GPR160: variants seen among roughly 807,000 people sequenced by gnomAD.
GPR160 encodes the protein G protein-coupled receptor 160, also known as probable G protein-coupled receptor 160.
GPR160 carries 2 observed loss-of-function variants against 2.6 expected under a neutral mutation model. The ratio of observed to expected loss-of-function variants is 0.77; its 90% CI spans 0.32 to 2.44. The LOEUF is 2.44. Among genes scored for constraint, GPR160 ranks in the 30% most tolerant of loss-of-function variants. The pLI is 0.11. For synonymous variants in GPR160, 130 were observed against 132.2 expected (o/e 0.98, Z 0.12); for missense variants, 351 against 383.6 (o/e 0.91, Z 0.71).
At chr3:170,043,629 C>T (rs1245309671) in intron 2 of GPR160, among the ~76,000 whole-genome samples, 2 of 152,156 alleles carry the variant, frequency 1.3e-5, no homozygotes, top group Admixed American at 6.5e-5. Context: ...TGACAGTCTG[C>T]GTTATTTCTG....
At chr3:170,082,735 A>G (rs1237601522) in intron 3 of GPR160, among the ~76,000 whole-genome samples, 1 of 150,164 alleles carries the variant, frequency 6.7e-6, no homozygotes, top group East Asian at 1.9e-4. Context: ...GGCTGGAACC[A>G]CAGGTGTGCA....
At chr3:170,065,023 G>T (rs189615017) in intron 2 of GPR160, among the ~76,000 whole-genome samples, 1 of 152,308 alleles carries the variant, frequency 6.6e-6, no homozygotes, top group East Asian at 1.9e-4. Flanking sequence ...AGCCGAAGAG[G>T]ATCTGACGGG....
At chr3:170,048,837 G>A (rs1462181109) in intron 2 of GPR160, among the ~76,000 whole-genome samples, 2 of 152,200 alleles carry the variant, frequency 1.3e-5, no homozygotes, top group Non-Finnish European at 2.9e-5. Context: ...CTGTCGGCTG[G>A]CAGCATGGCA....
intron 3 of GPR160, among the ~76,000 whole-genome samples, chr3:170,082,937 T>A (rs1270556640): frequency 6.6e-6 from 1 of 151,694 alleles, no homozygotes; most frequent in Non-Finnish European, 1.5e-5. Flanking sequence ...TTCACATTTG[T>A]GATTGACTGG....
intron 2 of GPR160, among the ~76,000 whole-genome samples, chr3:170,064,514 C>CTT (rs1175382810): frequency 0.25 from 19,695 of 80,336 alleles, 2,419 homozygotes; most frequent in South Asian, 0.42. Context: ...CTTTTCTTTT[C>CTT]TTTTTTTTTT....
rs531425559 is a variant in GPR160 at position 170,076,779 on chromosome 3, G to C, written c.-192-2995G>C. Among the ~76,000 whole-genome samples the C allele has an allele frequency of 3.3e-5, 5 of 152,234 alleles. No individual in the cohort carries two copies. In the South Asian group the frequency reaches 1.0e-3, roughly 32 times the overall value. On this transcript the variant is annotated intron_variant, in intron 2 of 3. Transcript: ENST00000355897. ...GGCTGGTCTTGAACTCCTGGCCTCA[G>C]GCAATCCGCCTGCACCAGCCTCCCA...
rs989908131 is a variant in GPR160 at position 170,038,615 on chromosome 3, T to C, written c.-321-300T>C. On this transcript the variant is annotated intron_variant, in intron 1 of 3. Coordinates refer to ENST00000355897, the MANE Select transcript of GPR160 (RefSeq NM_014373.3). The surrounding 1 kb of genome is among the most constrained non-coding windows in gnomAD (Gnocchi z 5.3). ...GAAATGGGTGTATGCAACTCTTCGC[T>C]CTTTCCTGGCGCCCAGAGGTGAATA... is the stretch of plus-strand genomic sequence containing the variant. 4 of 151,868 alleles carry C rather than the reference T, an allele frequency of 2.6e-5. No homozygotes were observed. The East Asian group carries it at 7.9e-4, about 30-fold the overall frequency. 9.4% of individuals were successfully genotyped at this position (151,868 alleles called of 1,614,324 possible).
At chr3:170,048,222 C>G (rs1481771246) in intron 2 of GPR160, among the ~76,000 whole-genome samples, 3 of 152,260 alleles carry the variant, frequency 2.0e-5, no homozygotes, top group Non-Finnish European at 4.4e-5. Flanking sequence ...TATGGGTACA[C>G]AGAGGCATGC....
intron 2 of GPR160, among the ~76,000 whole-genome samples, chr3:170,069,635 G>C (rs2287479): frequency 0.11 from 16,731 of 152,024 alleles, 982 homozygotes; most frequent in Middle Eastern, 0.16. Context: ...CAAATAGTTA[G>C]AACAGCCATT....
In GPR160 at chr3:170,079,427, T is replaced by G. The variant is rs1290660; in HGVS notation, c.-192-347T>G. ...TTACCATATTATTTAAATAACATTT[T>G]AAAAATGTTATTGATGTTAACATGC... On this transcript the variant is annotated intron_variant, in intron 2 of 3. Coordinates refer to ENST00000355897, the MANE Select transcript of GPR160 (RefSeq NM_014373.3). 5.2e-3 allele frequency among the ~76,000 whole-genome samples: 789 copies of G among 152,354 alleles called. 6 individuals are homozygous for G. Among genetic ancestry groups the G allele is most frequent in the Admixed American group, 7.3e-3 (111 of 15,308 alleles).
At chr3:170,062,587 C>A in intron 2 of GPR160, 3 of 1,131,960 alleles carry the variant, frequency 2.7e-6, no homozygotes, top group Non-Finnish European at 3.9e-6. Flanking sequence ...CTTTTCCAAA[C>A]CAAAAATGTG....
At chr3:170,064,650 C>A (rs1712216208) in intron 2 of GPR160, among the ~76,000 whole-genome samples, 1 of 151,360 alleles carries the variant, frequency 6.6e-6, no homozygotes, top group South Asian at 2.1e-4. Context: ...TCCTGAGTAG[C>A]TGGGACTACA....
Position 170,083,797 on chromosome 3 carries a change from A to T in GPR160, c.-68-108A>T, listed in dbSNP as rs555323495. 4.2e-3 allele frequency: 1,795 copies of T among 426,838 alleles called. 12 individuals carry two copies. Among genetic ancestry groups the T allele is most frequent in the Non-Finnish European group, 6.2e-3 (1,513 of 242,632 alleles). The allele number at this position is 426,838 out of a possible 1,614,324, so 26.4% of individuals were successfully genotyped here. A position where few individuals can be genotyped will look rare whatever the true frequency, so the allele number is the denominator to read the frequency against. On this transcript the variant is annotated intron_variant, in intron 3 of 3. Transcript: ENST00000355897. ...TATGTGACATATAATTCTTATTCAT[A>T]TATTTATTTGGGGAAATGATTGAAT... is the stretch of plus-strand genomic sequence containing the variant.
At chr3:170,067,098 G>A (rs1712380833) in intron 2 of GPR160, among the ~76,000 whole-genome samples, 1 of 152,166 alleles carries the variant, frequency 6.6e-6, no homozygotes, top group Non-Finnish European at 1.5e-5. Context: ...TCAACCTCCT[G>A]GGCTCAAGCA....
In GPR160 at chr3:170,050,967, T is replaced by A. The variant is rs1716932848; in HGVS notation, c.-193+11924T>A. 2.6e-5 allele frequency among the ~76,000 whole-genome samples: 4 copies of A among 152,168 alleles called. No individual in the cohort carries two copies. In the South Asian group the frequency reaches 8.3e-4, roughly 32 times the overall value. On this transcript the variant is annotated intron_variant, in intron 2 of 3. Transcript: ENST00000355897. ...GTATGGACCTTATTTGTATTTCTCT[T>A]GAGTAGATTTGTAGGGGTATAATTG...
chr3:170,061,892 G>A (rs1711978959), intron 2 of GPR160, among the ~76,000 whole-genome samples: 1 of 151,856 alleles, frequency 6.6e-6, no homozygotes, highest in Non-Finnish European at 1.5e-5. Context: ...CTCCTGCCTG[G>A]AATCCCAGCA....
intron 2 of GPR160, among the ~76,000 whole-genome samples, chr3:170,066,167 G>T (rs1359181114): frequency 1.1e-5 from 1 of 94,414 alleles, no homozygotes; most frequent in African/African-American, 4.6e-5. Flanking sequence ...TTGTGACAGA[G>T]CCTCGCTCTG....
At position 170,084,106 on chromosome 3, in the gene GPR160, T is replaced by A; in HGVS notation, c.134T>A (p.Met45Lys). Residue 45 changes from methionine (M) to lysine (K), a missense_variant, in exon 4 of 4, where the codon ATG (methionine) becomes AAG (lysine). By Grantham distance (95) the Met-to-Lys change is moderately conservative (BLOSUM62 -1). Coordinates refer to ENST00000355897, the MANE Select transcript of GPR160 (RefSeq NM_014373.3). ...TTATTAAATATCCTTACACTAGGAA[T>A]GAGAAGAAAAAACACCTGTCAAAAT... is the stretch of plus-strand genomic sequence containing the variant. ...KILLNILTLGMRRKNTCQNFM... is the reference protein window; with the variant it reads ...KILLNILTLGKRRKNTCQNFM... 1 of 1,595,974 alleles carries A rather than the reference T, an allele frequency of 6.3e-7. No homozygotes were observed. The highest frequency in any genetic ancestry group is 1.3e-5 in the African/African-American group (1 of 74,228).
intron 2 of GPR160, chr3:170,062,725 G>T: frequency 1.6e-6 from 2 of 1,248,582 alleles, no homozygotes; most frequent in Non-Finnish European, 2.3e-6. Context: ...AGGAAAAGTC[G>T]CAAACTCACG....
Sources: gnomAD v4.1 joint callset for allele counts (sites outside exome capture counted in the v4.1 genomes callset) on GRCh38, gnomAD v4.1.1 for gene constraint, Gnocchi (gnomAD v3.1) non-coding constraint, MANE v1.5 for transcripts, NCBI Gene and HGNC (gene_info 2026-07-23, HGNC 2026-07-21) for gene names.